Variants in MCTP1 observed in about 807,000 individuals in gnomAD.
The protein encoded by MCTP1 is multiple C2 and transmembrane domain-containing protein 1.
MCTP1 carries 69 observed loss-of-function variants against 120.6 expected under a neutral mutation model. The observed-to-expected ratio is 0.57, with a 90% CI of 0.47 to 0.70. The LOEUF is 0.70. Ranked by LOEUF, MCTP1 falls within the 30% of genes least tolerant of loss-of-function variation. The pLI, the probability that MCTP1 is intolerant of heterozygous loss-of-function variation, is 0.00. For missense variants in MCTP1, 1,203 were observed against 1,248.8 expected (o/e 0.96, Z 0.55); for synonymous variants, 529 against 493.1 (o/e 1.07, Z -0.96).
intron 1 of MCTP1, among the ~76,000 whole-genome samples, chr5:95,207,964 A>G (rs1435807196): frequency 2.1e-5 from 2 of 96,850 alleles, no homozygotes. Context: ...AGAGGGAGAG[A>G]GAGGGAGAGA....
intron 19 of MCTP1, among the ~76,000 whole-genome samples, chr5:94,721,198 C>T (rs927368821): frequency 6.6e-6 from 1 of 152,146 alleles, no homozygotes; most frequent in Non-Finnish European, 1.5e-5. Context: ...AATCCAGAAA[C>T]TTGATTTGAA....
chr5:94,934,737 G>GTT (rs3030499), intron 5 of MCTP1, among the ~76,000 whole-genome samples: 53,569 of 136,552 alleles, frequency 0.39, 10,979 homozygotes, highest in South Asian at 0.52. Context: ...AGATAAAGAA[G>GTT]TTTTTTTTTT....
intron 1 of MCTP1, among the ~76,000 whole-genome samples, chr5:95,072,167 A>G (rs1211500756): frequency 1.3e-5 from 2 of 150,480 alleles, no homozygotes; most frequent in Non-Finnish European, 3.0e-5. Context: ...TTGGTTCTGG[A>G]AGAACCAATG....
rs77342490 is a variant in MCTP1 at position 94,945,131 on chromosome 5, G to C, written c.982-2704C>G. ...GTTTAAATTTCACAAATATGTCTTA[G>C]GCACCCACTCTAAGAGAAGCACTGA... is the stretch of plus-strand genomic sequence containing the variant. On this transcript the variant is annotated intron_variant, in intron 3 of 22. Coordinates refer to ENST00000515393, the MANE Select transcript of MCTP1 (RefSeq NM_024717.7). Among the ~76,000 whole-genome samples the C allele has an allele frequency of 4.1e-3, 624 of 152,118 alleles. 5 individuals are homozygous for C. Among genetic ancestry groups the C allele is most frequent in the African/African-American group, 0.015 (616 of 41,500 alleles).
At chr5:94,991,437 T>A (rs1831525176) in intron 2 of MCTP1, among the ~76,000 whole-genome samples, 1 of 152,232 alleles carries the variant, frequency 6.6e-6, no homozygotes, top group South Asian at 2.1e-4. Flanking sequence ...TAATTTTAAA[T>A]ACTCTGAAAT....
chr5:94,972,671 C>A (rs1002221189), intron 2 of MCTP1, among the ~76,000 whole-genome samples: 2 of 152,172 alleles, frequency 1.3e-5, no homozygotes, highest in African/African-American at 4.8e-5. Context: ...AAAGTTGGGT[C>A]TCTTGTTACC....
intron 1 of MCTP1, among the ~76,000 whole-genome samples, chr5:95,268,609 A>G (rs1484061267): frequency 6.6e-6 from 1 of 152,230 alleles, no homozygotes; most frequent in East Asian, 1.9e-4. Flanking sequence ...ATAGATACAC[A>G]GGAATGTAGA....
At chr5:95,094,137 T>TG (rs1756050771) in intron 1 of MCTP1, among the ~76,000 whole-genome samples, 1 of 152,216 alleles carries the variant, frequency 6.6e-6, no homozygotes, top group African/African-American at 2.4e-5. Flanking sequence ...AAATGACTGA[T>TG]GTGACTTAAG....
chr5:94,766,705 C>T (rs1772826886), intron 19 of MCTP1, among the ~76,000 whole-genome samples: 1 of 150,692 alleles, frequency 6.6e-6, no homozygotes, highest in African/African-American at 2.4e-5. Context: ...GAGGAAAATT[C>T]CTGGACACAT....
At chr5:94,949,175 A>G (rs1331801080) in intron 3 of MCTP1, among the ~76,000 whole-genome samples, 1 of 152,152 alleles carries the variant, frequency 6.6e-6, no homozygotes, top group Non-Finnish European at 1.5e-5. Context: ...ATTCCCCTTT[A>G]TGTTACTTTT....
intron 1 of MCTP1, among the ~76,000 whole-genome samples, chr5:95,167,336 C>A (rs1235529070): frequency 2.0e-5 from 3 of 152,130 alleles, no homozygotes; most frequent in South Asian, 2.1e-4. Context: ...GGTTCCAAGT[C>A]TTTGCTATTG....
intron 12 of MCTP1, among the ~76,000 whole-genome samples, chr5:94,874,299 G>C (rs1456676342): frequency 6.6e-6 from 1 of 152,044 alleles, no homozygotes. Context: ...AAATATCATT[G>C]AAGATTTTCT....
chr5:95,140,674 C>A (rs573958896), intron 1 of MCTP1, among the ~76,000 whole-genome samples: 2 of 126,116 alleles, frequency 1.6e-5, no homozygotes, highest in East Asian at 4.8e-4. Context: ...TGGCTAACAC[C>A]GTGAAACCCT....
intron 19 of MCTP1, among the ~76,000 whole-genome samples, chr5:94,767,288 A>G (rs916885545): frequency 2.6e-5 from 4 of 152,222 alleles, no homozygotes; most frequent in Admixed American, 1.3e-4. Flanking sequence ...AAGGCTCTAT[A>G]TGGCAAACCC....
chr5:94,848,747 C>T (rs915694459), intron 17 of MCTP1, among the ~76,000 whole-genome samples: 1 of 151,550 alleles, frequency 6.6e-6, no homozygotes, highest in Non-Finnish European at 1.5e-5. Flanking sequence ...CACTGTATTG[C>T]TAATTTATTG....
chr5:95,167,232 G>A (rs162479), intron 1 of MCTP1, among the ~76,000 whole-genome samples: 51,422 of 151,970 alleles, frequency 0.34, 9,052 homozygotes, highest in East Asian at 0.59. Flanking sequence ...TACAAAGGAC[G>A]TGAGCTCATC....
At chr5:95,174,172 G>A (rs1426748678) in intron 1 of MCTP1, among the ~76,000 whole-genome samples, 2 of 152,014 alleles carry the variant, frequency 1.3e-5, no homozygotes, top group South Asian at 2.1e-4. Context: ...ATGAATAAAT[G>A]CATGCTCCAA....
At chr5:94,921,429 C>G (rs758688373) in intron 7 of MCTP1, among the ~76,000 whole-genome samples, 1 of 152,152 alleles carries the variant, frequency 6.6e-6, no homozygotes, top group African/African-American at 2.4e-5. Context: ...CAGTTGCTAT[C>G]TCTTGGACAC....
chr5:94,867,505 C>A, intron 17 of MCTP1: 1 of 639,170 alleles, frequency 1.6e-6, no homozygotes, highest in South Asian at 1.9e-5. Context: ...ATAATAAAGT[C>A]GTATTCTGCT....
Sources: gnomAD v4.1 joint callset for allele counts (sites outside exome capture counted in the v4.1 genomes callset) on GRCh38, gnomAD v4.1.1 for gene constraint, MANE v1.5 for transcripts, NCBI Gene and HGNC (gene_info 2026-07-23, HGNC 2026-07-21) for gene names.